The following ADAM32 variants were observed in gnomAD, a reference collection of about 807,000 sequenced individuals.
The protein encoded by ADAM32 is disintegrin and metalloproteinase domain-containing protein 32.
A neutral mutation model predicts 114.9 loss-of-function variants in ADAM32; 89 were observed. That is an observed-to-expected ratio of 0.77 (90% CI 0.65 to 0.92). ADAM32 has a LOEUF of 0.92. Ranked by LOEUF, ADAM32 falls within the 40% of genes least tolerant of loss-of-function variation. The pLI, the probability that ADAM32 is intolerant of heterozygous loss-of-function variation, is 0.00. For synonymous variants in ADAM32, 285 were observed against 307.5 expected, an observed-to-expected ratio of 0.93 and a Z score of 0.77; for missense variants, 870 against 932.8, an observed-to-expected ratio of 0.93 and a Z score of 0.88.
At chr8:39,284,101 C>T (rs919154825) in intron 24 of ADAM32, among the ~76,000 whole-genome samples, 1 of 152,130 alleles carries the variant, frequency 6.6e-6, no homozygotes, top group Non-Finnish European at 1.5e-5. Context: ...AATGACCAAT[C>T]TTTATTAATC....
chr8:39,186,834 T>G, intron 10 of ADAM32, 75 bp from the exon 11 acceptor site: 1 of 1,214,468 alleles, frequency 8.2e-7, no homozygotes, highest in Non-Finnish European at 1.1e-6. Flanking sequence ...AATAAAATAT[T>G]CATAATTAGA....
intron 6 of ADAM32, chr8:39,158,245 C>CAGTACTTTTTA: frequency 4.0e-5 from 1 of 24,832 alleles, no homozygotes; most frequent in Non-Finnish European, 6.1e-5. Flanking sequence ...GATATTCAAG[C>CAGTACTTTTTA]ATGCTGTTGA....
chr8:39,128,499 A>T (rs1297808633), intron 2 of ADAM32, among the ~76,000 whole-genome samples: 9 of 152,024 alleles, frequency 5.9e-5, no homozygotes, highest in Non-Finnish European at 4.4e-5. Context: ...TTTAATTGGG[A>T]CATTTAGCCC....
chr8:39,139,632 T>G (rs1315242163), intron 3 of ADAM32, among the ~76,000 whole-genome samples: 2 of 152,184 alleles, frequency 1.3e-5, no homozygotes, highest in Non-Finnish European at 2.9e-5. Flanking sequence ...TTGTTCTTTT[T>G]GCTTAGGATT....
At chr8:39,205,069 G>C (rs1034757094) in intron 11 of ADAM32, among the ~76,000 whole-genome samples, 1 of 152,224 alleles carries the variant, frequency 6.6e-6, no homozygotes, top group Admixed American at 6.5e-5. Flanking sequence ...GGCTACTCGG[G>C]GGTCAGGGAC....
intron 2 of ADAM32, among the ~76,000 whole-genome samples, chr8:39,128,059 G>C (rs972639202): frequency 1.3e-5 from 2 of 151,950 alleles, no homozygotes; most frequent in African/African-American, 4.8e-5. Flanking sequence ...GCTGAGTTCA[G>C]GTCCCATATA....
intron 11 of ADAM32, among the ~76,000 whole-genome samples, chr8:39,199,778 C>T (rs955713859): frequency 3.3e-5 from 5 of 150,802 alleles, no homozygotes; most frequent in African/African-American, 1.2e-4. Context: ...CACCACCCCC[C>T]ACCCCACAAC....
intron 2 of ADAM32, among the ~76,000 whole-genome samples, chr8:39,125,443 G>A (rs968360185): frequency 2.0e-5 from 3 of 152,054 alleles, no homozygotes; most frequent in African/African-American, 7.2e-5. Flanking sequence ...GAGGAATTTT[G>A]CCTCAGGATG....
intron 11 of ADAM32, among the ~76,000 whole-genome samples, chr8:39,210,927 G>T (rs972960300): frequency 1.3e-5 from 2 of 152,042 alleles, no homozygotes; most frequent in African/African-American, 4.8e-5. Context: ...GTGTGTGTGT[G>T]TTGCTATTGA....
chr8:39,116,948 A>G (rs1840402350), intron 1 of ADAM32, among the ~76,000 whole-genome samples: 1 of 151,806 alleles, frequency 6.6e-6, no homozygotes, highest in African/African-American at 2.4e-5. Flanking sequence ...CAGTGGTGTG[A>G]TCTTGGCTCA....
chr8:39,157,501 A>T, intron 6 of ADAM32: 1 of 399,982 alleles, frequency 2.5e-6, no homozygotes, highest in Non-Finnish European at 4.8e-6. Flanking sequence ...GATAACTTTT[A>T]TTGAGATCCC....
intron 2 of ADAM32, among the ~76,000 whole-genome samples, chr8:39,124,710 C>T (rs973186103): frequency 2.6e-5 from 4 of 152,146 alleles, no homozygotes; most frequent in Non-Finnish European, 5.9e-5. Flanking sequence ...CCACCGCGCC[C>T]AGCCAATATA....
At chr8:39,234,948 A>G (rs1185882711) in intron 16 of ADAM32, among the ~76,000 whole-genome samples, 1 of 152,108 alleles carries the variant, frequency 6.6e-6, no homozygotes, top group Non-Finnish European at 1.5e-5. Context: ...AAAGCAATCC[A>G]TACCCTATTC....
intron 11 of ADAM32, among the ~76,000 whole-genome samples, chr8:39,195,120 G>T (rs1328676509): frequency 6.6e-6 from 1 of 152,078 alleles, no homozygotes; most frequent in Non-Finnish European, 1.5e-5. Context: ...TCCCCCTTCA[G>T]CCCAGCATCT....
intron 23 of ADAM32, among the ~76,000 whole-genome samples, 170 bp downstream of exon 23, chr8:39,281,344 C>T (rs1430940381): frequency 6.6e-6 from 1 of 152,072 alleles, no homozygotes; most frequent in Non-Finnish European, 1.5e-5. Context: ...TTAATTAATT[C>T]CATTAATCTT....
At chr8:39,188,931 C>T (rs563885690) in intron 11 of ADAM32, among the ~76,000 whole-genome samples, 2 of 152,186 alleles carry the variant, frequency 1.3e-5, no homozygotes, top group Admixed American at 1.3e-4. Context: ...TCAAAGAAAG[C>T]ATGTAATTAG....
chr8:39,163,875 C>T (rs79066201), intron 7 of ADAM32, among the ~76,000 whole-genome samples: 3,098 of 152,164 alleles, frequency 0.02, 102 homozygotes, highest in African/African-American at 0.071. Context: ...ATTTGAGGAT[C>T]CTGTGGAACA....
At chr8:39,172,641 C>A (rs1011690432) in intron 10 of ADAM32, among the ~76,000 whole-genome samples, 1 of 152,158 alleles carries the variant, frequency 6.6e-6, no homozygotes, top group Non-Finnish European at 1.5e-5. Context: ...CCATCCTTGT[C>A]CCTGCAAAGT....
intron 9 of ADAM32, chr8:39,166,798 A>G (rs902329442): frequency 6.6e-6 from 1 of 151,810 alleles, no homozygotes; most frequent in African/African-American, 2.4e-5. Context: ...AGTGTTGAGC[A>G]TTTTTTTCAT....
Sources: allele counts gnomAD v4.1 joint callset (sites outside exome capture counted in the v4.1 genomes callset), GRCh38; gene constraint gnomAD v4.1.1; transcripts MANE v1.5; gene names NCBI Gene and HGNC (gene_info 2026-07-23, HGNC 2026-07-21).